The following SERBP1 variants were observed in gnomAD, a reference collection of about 807,000 sequenced individuals.
SERBP1 encodes the protein SERPINE1 mRNA binding protein 1.
In SERBP1, 6 loss-of-function variants were observed where a neutral mutation model predicts 50.2. The observed-to-expected ratio is 0.12, with a 90% CI of 0.07 to 0.24. SERBP1 has a LOEUF of 0.24. Among genes scored for constraint, SERBP1 ranks in the 10% least tolerant of loss-of-function variants. The pLI is 1.00. For synonymous variants in SERBP1, 168 were observed against 182.8 expected (o/e 0.92, Z 0.65); for missense variants, 346 against 524.9 (o/e 0.66, Z 3.33).
At chr1:67,421,496 G>A (rs2100428362) in intron 5 of SERBP1, among the ~76,000 whole-genome samples, 1 of 152,324 alleles carries the variant, frequency 6.6e-6, no homozygotes, top group East Asian at 1.9e-4. Flanking sequence ...ATTACAGACA[G>A]TTCTAATGTG....
chr1:67,419,972 TCTGAA>T, intron 6 of SERBP1, 32 bp downstream of exon 6: 1 of 1,573,332 alleles, frequency 6.4e-7, no homozygotes, highest in South Asian at 1.1e-5. Flanking sequence ...TCAAGTCACA[TCTGAA>T]CATTTTCAAA....
chr1:67,420,902 C>T (rs1570292596), intron 5 of SERBP1, among the ~76,000 whole-genome samples: 1 of 152,274 alleles, frequency 6.6e-6, no homozygotes, highest in African/African-American at 2.4e-5. Context: ...AGAATATGAT[C>T]CTTTCCTCTT....
Position 67,426,175 on chromosome 1 carries a change from G to T in SERBP1, c.424C>A (p.Leu142Ile), listed in dbSNP as rs769699582. ...PPRERRFEKP[L>I]EEKGEGGEFS... is the part of the protein sequence containing the mutation. ...TCGCCTCCTTCACCCTTTTCTTCAA[G>T]TGGCTTTTCGAATCTTCGTTCACGA... Residue 142 changes from leucine to isoleucine, a missense_variant, in exon 2 of 8, where the codon CTT becomes ATT. This residue lies in a region of SERBP1 where 257 missense variants were observed against 331.2 expected (regional missense o/e 0.78). Transcript: ENST00000361219. 6.2e-7 allele frequency: 1 copy of T among 1,608,182 alleles called. No individual in the cohort carries two copies. Among genetic ancestry groups the T allele is most frequent in the East Asian group, 2.2e-5 (1 of 44,506 alleles).
In SERBP1 at chr1:67,430,098, T is replaced by C. The variant is rs2100455132; in HGVS notation, c.203A>G (p.Lys68Arg). The C allele has an allele frequency of 1.9e-6, 3 of 1,612,918 alleles. No homozygotes were observed. Among genetic ancestry groups the C allele is most frequent in the Non-Finnish European group, 2.5e-6 (3 of 1,179,854 alleles). The change falls in exon 1 of 8, where the codon AAA becomes AGA. Residue 68 changes from lysine (K) to arginine (R), a missense_variant. Lys to Arg is a conservative substitution (Grantham distance 26). Transcript: ENST00000361219. ...TTTCTGGGACTCCTTGCGCAGCTGT[T>C]TGCCTGCCGCGTTGGAGTTGGTCTG... ...AAQTNSNAAGKQLRKESQKDR... is the reference protein window; with the variant it reads ...AAQTNSNAAGRQLRKESQKDR...
rs766587629 is a variant in SERBP1 at position 67,412,367 on chromosome 1, T to G, written c.*840A>C. 5.2e-5 allele frequency: 8 copies of G among 152,460 alleles called. No homozygotes were observed. Among genetic ancestry groups the G allele is most frequent in the Non-Finnish European group, 1.2e-4 (8 of 68,046 alleles). 9.4% of individuals were successfully genotyped at this position (152,460 alleles called of 1,614,324 possible). A position where few individuals can be genotyped will look rare whatever the true frequency, so the allele number is the denominator to read the frequency against. On this transcript the variant is annotated 3_prime_UTR_variant, in exon 8 of 8. Transcript: ENST00000361219. ...GAGAAAAAACCCATACCTATAAAAC[T>G]ACTTCACTTGACACGATGTGCCTAC... is the stretch of plus-strand genomic sequence containing the variant.
intron 2 of SERBP1, 70 bp downstream of exon 2, chr1:67,426,065 A>C: frequency 7.3e-7 from 1 of 1,368,352 alleles, no homozygotes; most frequent in Non-Finnish European, 1.0e-6. Context: ...CAGTGAGCCA[A>C]GCTTGTACCA....
At chr1:67,415,406 T>C in intron 6 of SERBP1, 67 bp from the exon 7 acceptor site, 1 of 1,426,584 alleles carries the variant, frequency 7.0e-7, no homozygotes, top group Non-Finnish European at 9.3e-7. Context: ...TTCTAAATAA[T>C]GAGCTTTCTT....
chr1:67,414,070 G>A (rs1165620468), intron 7 of SERBP1, among the ~76,000 whole-genome samples: 1 of 152,134 alleles, frequency 6.6e-6, no homozygotes, highest in East Asian at 1.9e-4. Flanking sequence ...GATTACAGGC[G>A]TGAGGCAGTG....
chr1:67,422,064 T>G (rs1321588630), intron 5 of SERBP1, among the ~76,000 whole-genome samples: 3 of 152,228 alleles, frequency 2.0e-5, no homozygotes, highest in African/African-American at 7.2e-5. Context: ...TAGTTTTGCA[T>G]AAATTTTTAT....
chr1:67,428,735 CAA>C (rs34354137), intron 1 of SERBP1, among the ~76,000 whole-genome samples: 36 of 85,740 alleles, frequency 4.2e-4, no homozygotes, highest in African/African-American at 9.5e-4. Context: ...CAAAAGTCCT[CAA>C]AAAAAAAAAA....
rs754744868 is a variant in SERBP1, at chr1:67,415,342, A to G, written c.952-3T>C. 23 of 1,568,490 alleles carry G rather than the reference A, an allele frequency of 1.5e-5. No homozygotes were observed. The East Asian group carries it at 4.8e-4, about 33-fold the overall frequency. ...ATAACCGAATCTTCAGCATGAGCCT[A>G]AAAATATAAGTGAAGATGATTGTGT... On this transcript the variant is annotated splice_polypyrimidine_tract_variant and splice_region_variant and intron_variant, in intron 6 of 7. Coordinates refer to ENST00000361219, the MANE Select transcript of SERBP1 (RefSeq NM_001018069.2).
intron 5 of SERBP1, among the ~76,000 whole-genome samples, chr1:67,422,851 C>CTCGGGAGGGTGAGGCAGGAGAA (rs1667243969): frequency 6.6e-6 from 1 of 151,688 alleles, no homozygotes; most frequent in Non-Finnish European, 1.5e-5. Flanking sequence ...ATCCCAGTTA[C>CTCGGGAGGGTGAGGCAGGAGAA]TCGGGAGGGT....
At chr1:67,417,971 G>GTTTTTTTTTTTTTTTTTTTTTTTTTT (rs397861816) in intron 6 of SERBP1, among the ~76,000 whole-genome samples, 4 of 76,800 alleles carry the variant, frequency 5.2e-5, no homozygotes, top group Non-Finnish European at 4.4e-5. Context: ...TTAAAGTGTT[G>GTTTTTTTTTTTTTTTTTTTTTTTTTT]TTTTTTTTTT....
intron 1 of SERBP1, among the ~76,000 whole-genome samples, chr1:67,428,934 C>T (rs925711059): frequency 6.6e-6 from 1 of 152,210 alleles, no homozygotes; most frequent in Non-Finnish European, 1.5e-5. Flanking sequence ...TTAGGTCCAA[C>T]ACCTGCTTGC....
rs1420175126 is a variant in SERBP1 at position 67,409,962 on chromosome 1, AAAACTTATT to A, written c.*3236_*3244del. On this transcript the variant is annotated 3_prime_UTR_variant, in exon 8 of 8. Transcript: ENST00000361219. ...TCGCTGGTACATGTTCAGACTTGCT[AAAACTTATT>A]TACATATTTGTCTCAGTATAATCCA... The A allele has an allele frequency of 6.6e-6, 1 of 152,224 alleles. No individual in the cohort carries two copies. Among genetic ancestry groups the A allele is most frequent in the East Asian group, 1.9e-4 (1 of 5,202 alleles). 9.4% of individuals were successfully genotyped at this position (152,224 alleles called of 1,614,324 possible).
chr1:67,417,978 T>TTTG (rs1553133928), intron 6 of SERBP1, among the ~76,000 whole-genome samples: 5 of 138,216 alleles, frequency 3.6e-5, no homozygotes, highest in East Asian at 2.1e-4. Flanking sequence ...GTTGTTTTTT[T>TTTG]TTTTTTTTTT....
At position 67,408,711 on chromosome 1, in the gene SERBP1, AG is replaced by A. The variant is rs1666716561; in HGVS notation, c.*4495del. The A allele has an allele frequency of 6.6e-6, 1 of 152,176 alleles. No homozygotes were observed. Among genetic ancestry groups the A allele is most frequent in the African/African-American group, 2.4e-5 (1 of 41,446 alleles). 9.4% of individuals were successfully genotyped at this position (152,176 alleles called of 1,614,324 possible). On this transcript the variant is annotated 3_prime_UTR_variant, in exon 8 of 8. Transcript: ENST00000361219. ...TGCACAACGCAAAGGACTTACACAAAGGGATCTGAGTCACTAAATGTGAAAT... is the reference window on the plus strand; with the variant it reads ...TGCACAACGCAAAGGACTTACACAAAGGATCTGAGTCACTAAATGTGAAAT...
At position 67,410,623 on chromosome 1, in the gene SERBP1, A is replaced by T. The variant is rs1666804977; in HGVS notation, c.*2584T>A. 1 of 152,218 alleles carries T rather than the reference A, an allele frequency of 6.6e-6. No individual in the cohort carries two copies. Among genetic ancestry groups the T allele is most frequent in the Non-Finnish European group, 1.5e-5 (1 of 68,014 alleles). The allele number at this position is 152,218 out of a possible 1,614,324, so 9.4% of individuals were successfully genotyped here. On this transcript the variant is annotated 3_prime_UTR_variant, in exon 8 of 8. Transcript: ENST00000361219. ...AAATCTCAGGTCTGGCATTACTTCC[A>T]TTTAAACGCATCAAGATAAAAGTTC...
At position 67,410,679 on chromosome 1, in the gene SERBP1, G is replaced by C. The variant is rs535716098; in HGVS notation, c.*2528C>G. ...AACATCAGCTGCCACCATTACTTTA[G>C]GAATCTTTATCTGTTTAGGGATTTT... On this transcript the variant is annotated 3_prime_UTR_variant, in exon 8 of 8. Coordinates refer to ENST00000361219, the MANE Select transcript of SERBP1 (RefSeq NM_001018069.2). The C allele has an allele frequency of 1.5e-4, 23 of 152,214 alleles. No homozygotes were observed. The highest frequency in any genetic ancestry group is 5.3e-4 in the African/African-American group (22 of 41,554). The allele number at this position is 152,214 out of a possible 1,614,324, so 9.4% of individuals were successfully genotyped here.
Sources: allele counts gnomAD v4.1 joint callset (sites outside exome capture counted in the v4.1 genomes callset), GRCh38; gene constraint gnomAD v4.1.1; regional missense constraint gnomAD v4.1.1; transcripts MANE v1.5; gene names NCBI Gene and HGNC (gene_info 2026-07-23, HGNC 2026-07-21).